HOXB3: variants seen among roughly 807,000 people sequenced by gnomAD.
HOXB3 encodes the protein homeobox protein Hox-B3.
HOXB3 carries 17 observed loss-of-function variants against 29.2 expected under a neutral mutation model. That is an observed-to-expected ratio of 0.58 (90% CI 0.40 to 0.87). The LOEUF (loss-of-function observed/expected upper bound fraction) is 0.87. HOXB3 is among the 40% of genes least tolerant of loss of function. HOXB3 has a pLI of 0.00. For missense variants in HOXB3, 637 were observed against 616.3 expected (o/e 1.03, Z -0.35); for synonymous variants, 317 against 285.9 (o/e 1.11, Z -1.10).
intron 2 of HOXB3, among the ~76,000 whole-genome samples, chr17:48,569,794 G>A (rs2144848340): frequency 6.6e-6 from 1 of 152,172 alleles, no homozygotes; most frequent in African/African-American, 2.4e-5. Flanking sequence ...CCTTTTGAAG[G>A]GGCAAAAAAG....
chr17:48,551,327 C>T (rs964745345), intron 4 of HOXB3, 146 bp from the exon 5 acceptor site: 1 of 990,386 alleles, frequency 1.0e-6, no homozygotes, highest in Non-Finnish European at 1.3e-6. Flanking sequence ...TCCCCGCCGC[C>T]TCCTCACTCC....
In HOXB3 at chr17:48,549,606, A is replaced by C. The variant is rs1282507805; in HGVS notation, c.*728T>G. On this transcript the variant is annotated 3_prime_UTR_variant, in exon 5 of 5. Transcript: ENST00000498678. ...GAATGGGCAAACCTTCAGTCCTAACAACCTGCCTGCCCTAGCCTCCACACT... is the reference window on the plus strand; with the variant it reads ...GAATGGGCAAACCTTCAGTCCTAACCACCTGCCTGCCCTAGCCTCCACACT... 2 of 152,560 alleles carry C rather than the reference A, an allele frequency of 1.3e-5. No homozygotes were observed. Among genetic ancestry groups the C allele is most frequent in the Non-Finnish European group, 2.9e-5 (2 of 68,040 alleles). The allele number at this position is 152,560 out of a possible 1,614,324, so 9.5% of individuals were successfully genotyped here. A position where few individuals can be genotyped will look rare whatever the true frequency, so the allele number is the denominator to read the frequency against.
intron 2 of HOXB3, among the ~76,000 whole-genome samples, chr17:48,567,936 G>T (rs114936682): frequency 0.012 from 1,884 of 152,168 alleles, 49 homozygotes; most frequent in African/African-American, 0.044. Flanking sequence ...CCCTCTGCTT[G>T]CCTCCATTGT....
Position 48,554,766 on chromosome 17 carries a change from C to T in HOXB3, c.-159+765G>A. 3 of 702,304 alleles carry T rather than the reference C, an allele frequency of 4.3e-6. No homozygotes were observed. Among genetic ancestry groups the T allele is most frequent in the East Asian group, 2.7e-5 (1 of 37,278 alleles). 43.5% of individuals were successfully genotyped at this position (702,304 alleles called of 1,614,324 possible). A position where few individuals can be genotyped will look rare whatever the true frequency, so the allele number is the denominator to read the frequency against. ...GCAAGTTTTGGGAGCTGGAGGTAAC[C>T]GAATTAAAAGGCGCCTTAGAAACTC... On this transcript the variant is annotated intron_variant, in intron 3 of 4. Coordinates refer to ENST00000498678, the MANE Select transcript of HOXB3 (RefSeq NM_001384749.1). This position sits in a 1 kb window ranked among gnomAD's most constrained non-coding sequence, Gnocchi z 4.1.
chr17:48,562,757 G>A (rs1360544109), intron 2 of HOXB3, among the ~76,000 whole-genome samples: 1 of 152,176 alleles, frequency 6.6e-6, no homozygotes, highest in South Asian at 2.1e-4. Context: ...AGCTGGAGGC[G>A]AGGAAAGATA....
chr17:48,587,759 TCCTC>T (rs2070074080), intron 1 of HOXB3, among the ~76,000 whole-genome samples: 2 of 151,928 alleles, frequency 1.3e-5, no homozygotes, highest in South Asian at 2.1e-4. Context: ...TCTTTATACT[TCCTC>T]CCACCCATTG....
intron 1 of HOXB3, among the ~76,000 whole-genome samples, chr17:48,577,401 T>C (rs1480138843): frequency 1.3e-5 from 2 of 152,152 alleles, no homozygotes; most frequent in East Asian, 1.9e-4. Flanking sequence ...CCCTTGCTGC[T>C]CAGATTCCAA....
At chr17:48,576,950 C>A (rs188952344) in intron 1 of HOXB3, 1 of 1,614,152 alleles carries the variant, frequency 6.2e-7, no homozygotes, top group Non-Finnish European at 8.5e-7. Context: ...CCTTCTCCAG[C>A]TCCAAGACCT....
intron 1 of HOXB3, chr17:48,577,770 C>T: frequency 8.6e-7 from 1 of 1,159,096 alleles, no homozygotes. Flanking sequence ...CAATTGGCTT[C>T]CCCAGCTCAA....
At chr17:48,576,664 C>CAA (rs2144884382) in intron 1 of HOXB3, 82 of 466,038 alleles carry the variant, frequency 1.8e-4, no homozygotes, top group Non-Finnish European at 2.7e-4. Flanking sequence ...CCCACCCCAT[C>CAA]CCCTGCACTC....
Position 48,552,377 on chromosome 17 carries a change from G to T in HOXB3, c.98C>A (p.Pro33His), listed in dbSNP as rs1386462511. ...CGTGGCGGCCTGAAATGGGGGTTGG[G>T]GGGGGACATCGAAGCCGAAGCCATT... is the stretch of plus-strand genomic sequence containing the variant. Reference protein sequence around the residue: ...GSNGFGFDVPPQPPFQAATHL... With the variant: ...GSNGFGFDVPHQPPFQAATHL... Residue 33 changes from proline (P) to histidine (H), a missense_variant, in exon 4 of 5, where the codon CCC becomes CAC. Pro to His is a moderately conservative substitution (Grantham distance 77). Coordinates refer to ENST00000498678, the MANE Select transcript of HOXB3 (RefSeq NM_001384749.1). The T allele has an allele frequency of 2.5e-6, 4 of 1,613,572 alleles. No individual in the cohort carries two copies. Among genetic ancestry groups the T allele is most frequent in the East Asian group, 2.2e-5 (1 of 44,868 alleles).
At chr17:48,586,495 G>A (rs369305394) in intron 1 of HOXB3, among the ~76,000 whole-genome samples, 12 of 152,290 alleles carry the variant, frequency 7.9e-5, no homozygotes, top group Admixed American at 5.9e-4. Flanking sequence ...GCAGCGGCTC[G>A]GAGCCCCACG....
chr17:48,566,447 C>T (rs1196710204), intron 2 of HOXB3, among the ~76,000 whole-genome samples: 1 of 146,692 alleles, frequency 6.8e-6, no homozygotes, highest in Non-Finnish European at 1.5e-5. Context: ...CTGAAGAGGG[C>T]TGAAAGAATA....
chr17:48,567,135 A>G (rs2069415617), intron 2 of HOXB3, among the ~76,000 whole-genome samples: 1 of 152,098 alleles, frequency 6.6e-6, no homozygotes, highest in Non-Finnish European at 1.5e-5. Flanking sequence ...ACCCTTTTCA[A>G]CTGAGACTCC....
chr17:48,586,472 C>G (rs978870156), intron 1 of HOXB3, among the ~76,000 whole-genome samples: 4 of 152,138 alleles, frequency 2.6e-5, no homozygotes, highest in Non-Finnish European at 5.9e-5. Context: ...GCCGGCGGCG[C>G]GTAATGTATG....
At chr17:48,586,208 C>G (rs534341377) in intron 1 of HOXB3, among the ~76,000 whole-genome samples, 2 of 152,242 alleles carry the variant, frequency 1.3e-5, no homozygotes, top group Admixed American at 1.3e-4. Flanking sequence ...AGAGGAGACG[C>G]CTAAATCACT....
At position 48,550,452 on chromosome 17, in the gene HOXB3, G is replaced by A. The variant is rs777244686; in HGVS notation, c.1178C>T (p.Ala393Val). Residue 393 changes from alanine (A) to valine (V), a missense_variant, in exon 5 of 5, where the codon GCG becomes GTG. Ala to Val is a moderately conservative substitution (Grantham distance 64). Transcript: ENST00000498678. ...GCAGGGTCCGTGGTGCTGGCTGGGC[G>A]CCATAGGGGGCGCCCCGTTGTAGTC... ...NLDYNGAPPMAPSQHHGPCEP... is the reference protein window; with the variant it reads ...NLDYNGAPPMVPSQHHGPCEP... 5 of 1,613,104 alleles carry A rather than the reference G, an allele frequency of 3.1e-6. No individual in the cohort carries two copies. In the South Asian group the frequency reaches 4.4e-5, roughly 14 times the overall value.
chr17:48,580,662 G>C (rs1390722572), intron 1 of HOXB3: 1 of 152,232 alleles, frequency 6.6e-6, no homozygotes, highest in Non-Finnish European at 1.5e-5. Context: ...AAAAGATGCA[G>C]CCAGATGATA....
At chr17:48,583,147 G>C (rs1349063659) in intron 1 of HOXB3, among the ~76,000 whole-genome samples, 1 of 152,166 alleles carries the variant, frequency 6.6e-6, no homozygotes, top group African/African-American at 2.4e-5. Flanking sequence ...CCACCTCTTG[G>C]GGCCAAGATT....
Sources: allele counts gnomAD v4.1 joint callset (sites outside exome capture counted in the v4.1 genomes callset), GRCh38; gene constraint gnomAD v4.1.1; non-coding constraint Gnocchi (gnomAD v3.1); transcripts MANE v1.5; gene names NCBI Gene and HGNC (gene_info 2026-07-23, HGNC 2026-07-21).